The following PPAT variants were observed in gnomAD, a reference collection of about 807,000 sequenced individuals.
The protein encoded by PPAT is phosphoribosyl pyrophosphate amidotransferase, also known as amidophosphoribosyltransferase.
Under a neutral mutation model 60.2 loss-of-function variants are expected in PPAT, and 20 were observed. The ratio of observed to expected loss-of-function variants is 0.33; its 90% CI spans 0.23 to 0.48. The LOEUF is 0.48. Ranked by LOEUF, PPAT falls within the 20% of genes least tolerant of loss-of-function variation. The probability of loss-of-function intolerance (pLI) is 0.99; values close to 1 mark genes in which losing one functional copy is unlikely to be tolerated. For synonymous variants in PPAT, 194 were observed against 215.1 expected, an observed-to-expected ratio of 0.90 and a Z score of 0.86; for missense variants, 349 against 629.6, an observed-to-expected ratio of 0.55 and a Z score of 4.77.
intron 1 of PPAT, 84 bp downstream of exon 1, chr4:56,435,266 G>A (rs1717839966): frequency 1.9e-6 from 3 of 1,578,560 alleles, no homozygotes; most frequent in African/African-American, 1.3e-5. Context: ...CCGGGCCCTC[G>A]GGCGCTCATG....
chr4:56,435,584 G>T lies in PPAT; in HGVS notation c.-107C>A. Reference sequence around the variant, plus strand: ...GCTCAGAAGCTCGCGCTCGCGACAGGCTCTTCCTTCCCGAGGGTGGCCCCA... The same window carrying T: ...GCTCAGAAGCTCGCGCTCGCGACAGTCTCTTCCTTCCCGAGGGTGGCCCCA... On this transcript the variant is annotated 5_prime_UTR_variant, in exon 1 of 11. Coordinates refer to ENST00000264220, the MANE Select transcript of PPAT (RefSeq NM_002703.5). The T allele has an allele frequency of 6.4e-7, 1 of 1,572,858 alleles. No homozygotes were observed. The highest frequency in any genetic ancestry group is 2.2e-5 in the East Asian group (1 of 44,516).
intron 9 of PPAT, 87 bp downstream of exon 9, chr4:56,399,092 C>A: frequency 9.0e-7 from 1 of 1,107,744 alleles, no homozygotes; most frequent in East Asian, 2.4e-5. Flanking sequence ...ATTGAACATC[C>A]ATTTTGATTC....
At chr4:56,410,595 G>A (rs1049247420) in intron 1 of PPAT, 39 of 986,048 alleles carry the variant, frequency 4.0e-5, no homozygotes, top group African/African-American at 8.7e-5. Context: ...AAAAATATAC[G>A]AAAACAACTT....
chr4:56,426,027 A>AT (rs1717265796), intron 1 of PPAT, among the ~76,000 whole-genome samples: 1 of 152,214 alleles, frequency 6.6e-6, no homozygotes, highest in Non-Finnish European at 1.5e-5. Flanking sequence ...ACTAAAGCGT[A>AT]TAACTGTGGT....
intron 1 of PPAT, among the ~76,000 whole-genome samples, chr4:56,408,716 T>C (rs1393880583): frequency 6.9e-6 from 1 of 145,078 alleles, no homozygotes; most frequent in Non-Finnish European, 1.5e-5. Flanking sequence ...ATCGCGCCAC[T>C]GCACTCCGGC....
Position 56,435,458 on chromosome 4 carries a change from C to T in PPAT, c.20G>A (p.Gly7Glu). Residue 7 changes from glycine to glutamate, a missense_variant, in exon 1 of 11, where the codon GGG becomes GAG. Gly to Glu is a moderately conservative substitution (Grantham distance 98, BLOSUM62 -2). Around this residue, in one of 5 missense-constraint regions of PPAT, gnomAD observed 115 missense variants for 174.5 expected, o/e 0.66. Transcript: ENST00000264220. The stretch of plus-strand genomic sequence containing the variant: ...GAACACGCCACATTCCTCTCGGATC[C>T]CCAACTCCTCCAGCTCCATGTCGCC... MELEEL[G>E]IREECGVFGC... The T allele has an allele frequency of 1.2e-6, 2 of 1,613,814 alleles. No individual in the cohort carries two copies. Among genetic ancestry groups the T allele is most frequent in the East Asian group, 4.5e-5 (2 of 44,866 alleles).
chr4:56,435,260 G>T, intron 1 of PPAT, 90 bp downstream of exon 1: 1 of 1,569,448 alleles, frequency 6.4e-7, no homozygotes, highest in South Asian at 1.2e-5. Flanking sequence ...GTCCTCCCGG[G>T]CCCTCGGGCG....
chr4:56,398,501 T>G (rs2110037081), intron 9 of PPAT, among the ~76,000 whole-genome samples: 1 of 152,280 alleles, frequency 6.6e-6, no homozygotes, highest in South Asian at 2.1e-4. Flanking sequence ...TTGACTTTTT[T>G]TTTTTTGAGA....
intron 1 of PPAT, among the ~76,000 whole-genome samples, chr4:56,424,843 T>C (rs189612698): frequency 2.0e-4 from 30 of 152,356 alleles, no homozygotes; most frequent in African/African-American, 6.7e-4. Flanking sequence ...TTATTATCTA[T>C]GTATTCCCGC....
chr4:56,427,221 T>G (rs1717335453), intron 1 of PPAT, among the ~76,000 whole-genome samples: 1 of 152,238 alleles, frequency 6.6e-6, no homozygotes, highest in Non-Finnish European at 1.5e-5. Context: ...GTCCCTGCTT[T>G]CAATTCTTTT....
intron 3 of PPAT, 101 bp downstream of exon 3, chr4:56,406,384 TAACAGGTAGC>T: frequency 9.0e-7 from 1 of 1,105,514 alleles, no homozygotes; most frequent in Non-Finnish European, 1.3e-6. Context: ...TGCAGTTAGG[TAACAGGTAGC>T]AACAATTAGA....
chr4:56,430,089 C>T (rs2110068005), intron 1 of PPAT, among the ~76,000 whole-genome samples: 1 of 152,160 alleles, frequency 6.6e-6, no homozygotes, highest in African/African-American at 2.4e-5. Flanking sequence ...AGTGAAACCC[C>T]CCATCTCAAT....
In PPAT at chr4:56,407,732, G is replaced by A; in HGVS notation, c.129-16C>T. The A allele has an allele frequency of 6.3e-7, 1 of 1,575,068 alleles. No homozygotes were observed. The highest frequency in any genetic ancestry group is 2.2e-5 in the East Asian group (1 of 44,746). On this transcript the variant is annotated splice_polypyrimidine_tract_variant and intron_variant, in intron 1 of 10. Transcript: ENST00000264220. ...CTCCTGACCCCTGTGAATATAAAAAGATATTAGCTGTTAAATCTGCCAATT... is the reference window on the plus strand; with the variant it reads ...CTCCTGACCCCTGTGAATATAAAAAAATATTAGCTGTTAAATCTGCCAATT...
At chr4:56,410,288 T>C (rs1011417742) in intron 1 of PPAT, among the ~76,000 whole-genome samples, 1 of 152,182 alleles carries the variant, frequency 6.6e-6, no homozygotes, top group African/African-American at 2.4e-5. Context: ...TCAAGGGAAG[T>C]TTTTCCTTCA....
At position 56,435,379 on chromosome 4, in the gene PPAT, G is replaced by A; in HGVS notation, c.99C>T (p.Ile33=). ...GCTGCAGCCCCACGAGTCCCAGAGT[G>A]ATCACATGCGGTACATCCAGCTGCG... The part of the protein sequence containing the change: ...WPTQLDVPHV[I]TLGLVGLQHR... The change falls in exon 1 of 11, where the codon ATC becomes ATT. Residue 33 remains isoleucine, a synonymous_variant. Coordinates refer to ENST00000264220, the MANE Select transcript of PPAT (RefSeq NM_002703.5). 6.2e-7 allele frequency: 1 copy of A among 1,613,766 alleles called. No homozygotes were observed. The highest frequency in any genetic ancestry group is 1.3e-5 in the African/African-American group (1 of 75,000).
chr4:56,410,976 A>G, intron 1 of PPAT: 2 of 935,132 alleles, frequency 2.1e-6, no homozygotes, highest in South Asian at 4.9e-5. Flanking sequence ...ATGAACTGTA[A>G]AAGTTCAGGA....
In PPAT at chr4:56,407,664, A is replaced by C; in HGVS notation, c.181T>G (p.Phe61Val). 6.2e-7 allele frequency: 1 copy of C among 1,603,680 alleles called. No individual in the cohort carries two copies. Among genetic ancestry groups the C allele is most frequent in the Non-Finnish European group, 8.5e-7 (1 of 1,170,324 alleles). Residue 61 changes from phenylalanine (F) to valine (V), a missense_variant, in exon 2 of 11, where the codon TTC (phenylalanine) becomes GTC (valine). Around this residue, in one of 5 missense-constraint regions of PPAT, gnomAD observed 115 missense variants for 174.5 expected, o/e 0.66. Transcript: ENST00000264220. The part of the protein sequence containing the change: ...VTSDGSSVPT[F>V]KSHKGMGLVN... Reference sequence around the variant, plus strand: ...TTCAAATTTACCTTGTGTGATTTGAATGTTGGCACCGAACTCCCATCACTA... The same window carrying C: ...TTCAAATTTACCTTGTGTGATTTGACTGTTGGCACCGAACTCCCATCACTA...
At chr4:56,417,662 T>C (rs1430059358) in intron 1 of PPAT, among the ~76,000 whole-genome samples, 2 of 152,014 alleles carry the variant, frequency 1.3e-5, no homozygotes, top group African/African-American at 4.8e-5. Flanking sequence ...GGCTCATGCC[T>C]GTAGTCCCAG....
At position 56,393,691 on chromosome 4, in the gene PPAT, G is replaced by A. The variant is rs1216428566; in HGVS notation, c.*1661C>T. On this transcript the variant is annotated 3_prime_UTR_variant, in exon 11 of 11. Coordinates refer to ENST00000264220, the MANE Select transcript of PPAT (RefSeq NM_002703.5). ...CAGTAAAACAAAAACTACAGAAAAC[G>A]CAAAGTAAAATCAGAGATTTTGGTT... The A allele has an allele frequency of 1.3e-5, 2 of 152,552 alleles. No homozygotes were observed. Among genetic ancestry groups the A allele is most frequent in the Non-Finnish European group, 2.9e-5 (2 of 68,026 alleles). 9.4% of individuals were successfully genotyped at this position (152,552 alleles called of 1,614,324 possible).
Sources: gnomAD v4.1 joint callset for allele counts (sites outside exome capture counted in the v4.1 genomes callset) on GRCh38, gnomAD v4.1.1 for gene constraint, gnomAD v4.1.1 regional missense constraint, MANE v1.5 for transcripts, NCBI Gene and HGNC (gene_info 2026-07-23, HGNC 2026-07-21) for gene names.